Variants in ZNF175 observed in about 807,000 individuals in gnomAD.
ZNF175 encodes the protein zinc finger protein 175.
Under a neutral mutation model 14.0 loss-of-function variants are expected in ZNF175, and 8 were observed. That is an observed-to-expected ratio of 0.57 (90% CI 0.34 to 1.03). The LOEUF is 1.03. Among genes scored for constraint, ZNF175 ranks in the 50% least tolerant of loss-of-function variants. ZNF175 has a pLI of 0.03. For missense variants in ZNF175, 764 were observed against 849.5 expected, an observed-to-expected ratio of 0.90 and a Z score of 1.25; for synonymous variants, 255 against 296.8, an observed-to-expected ratio of 0.86 and a Z score of 1.45.
At chr19:51,577,746 C>A (rs1046711615) in intron 2 of ZNF175, among the ~76,000 whole-genome samples, 1 of 148,770 alleles carries the variant, frequency 6.7e-6, no homozygotes, top group Non-Finnish European at 1.5e-5. Context: ...TCACTGCAAG[C>A]TCCGCCTCCC....
chr19:51,585,141 T>C (rs1384099592), intron 4 of ZNF175, among the ~76,000 whole-genome samples: 1 of 152,168 alleles, frequency 6.6e-6, no homozygotes, highest in Non-Finnish European at 1.5e-5. Flanking sequence ...TTATTCAGCC[T>C]TAAAAAGGAA....
chr19:51,580,806 G>A (rs767987948), intron 2 of ZNF175, among the ~76,000 whole-genome samples: 8 of 152,034 alleles, frequency 5.3e-5, no homozygotes, highest in East Asian at 3.9e-4. Context: ...CTCTTTTCTG[G>A]AAAATGATTT....
rs79380187 is a variant in ZNF175, at chr19:51,578,980, G to A, written c.73-2411G>A. On this transcript the variant is annotated intron_variant, in intron 2 of 4. Transcript: ENST00000262259. ...AAAAATACAAAAATTAAGGCTGAGT[G>A]TGGTGACTCACACCTGTAATCTCAG... 3.9e-3 allele frequency among the ~76,000 whole-genome samples: 591 copies of A among 152,244 alleles called. 25 individuals are homozygous for A. The East Asian group carries it at 0.078, about 20-fold the overall frequency.
At chr19:51,581,186 G>T (rs1466638051) in intron 2 of ZNF175, among the ~76,000 whole-genome samples, 1 of 151,870 alleles carries the variant, frequency 6.6e-6, no homozygotes, top group Non-Finnish European at 1.5e-5. Context: ...AAAAAAAAAT[G>T]AATGAATGAA....
At position 51,574,518 on chromosome 19, in the gene ZNF175, A is replaced by G. The variant is rs1250194622; in HGVS notation, c.72+1117A>G. Among the ~76,000 whole-genome samples, 8 of 152,132 alleles carry G rather than the reference A, an allele frequency of 5.3e-5. 1 individual carries two copies. The highest frequency in any genetic ancestry group is 5.2e-4 in the Admixed American group (8 of 15,272). Reference sequence around the variant, plus strand: ...GGCGAGACTCTACAAAAATACAAAAATTAGCCAGGTGTGGTGGCATGCACC... The same window carrying G: ...GGCGAGACTCTACAAAAATACAAAAGTTAGCCAGGTGTGGTGGCATGCACC... On this transcript the variant is annotated intron_variant, in intron 2 of 4. Coordinates refer to ENST00000262259, the MANE Select transcript of ZNF175 (RefSeq NM_007147.4).
In ZNF175 at chr19:51,587,335, G is replaced by A; in HGVS notation, c.1004G>A (p.Cys335Tyr). Reference protein sequence around the residue: ...YLTDHTGDIPCICKECGKVFI... With the variant: ...YLTDHTGDIPYICKECGKVFI... ...ACAGATCATACAGGTGATATACCCT[G>A]TATATGCAAGGAATGTGGGAAGGTC... The change falls in exon 5 of 5, where the codon TGT (cysteine) becomes TAT (tyrosine). Residue 335 changes from cysteine to tyrosine, a missense_variant. By Grantham distance (194) the Cys-to-Tyr change is radical. Transcript: ENST00000262259. 1 of 1,614,144 alleles carries A rather than the reference G, an allele frequency of 6.2e-7. No homozygotes were observed. The highest frequency in any genetic ancestry group is 2.2e-5 in the East Asian group (1 of 44,880).
Position 51,587,326 on chromosome 19 carries a change from A to G in ZNF175, c.995A>G (p.Asp332Gly), listed in dbSNP as rs1568577030. ...GTATATCTGACAGATCATACAGGTGATATACCCTGTATATGCAAGGAATGT... is the reference window on the plus strand; with the variant it reads ...GTATATCTGACAGATCATACAGGTGGTATACCCTGTATATGCAAGGAATGT... Reference protein sequence around the residue: ...LSVYLTDHTGDIPCICKECGK... With the variant: ...LSVYLTDHTGGIPCICKECGK... Residue 332 changes from aspartate to glycine, a missense_variant, in exon 5 of 5, where the codon GAT becomes GGT. By Grantham distance (94) the Asp-to-Gly change is moderately conservative. Coordinates refer to ENST00000262259, the MANE Select transcript of ZNF175 (RefSeq NM_007147.4). The G allele has an allele frequency of 2.5e-6, 4 of 1,614,106 alleles. No individual in the cohort carries two copies. Among genetic ancestry groups the G allele is most frequent in the Non-Finnish European group, 3.4e-6 (4 of 1,180,038 alleles).
In ZNF175 at chr19:51,586,662, AT is replaced by A; in HGVS notation, c.334del (p.Ser112LeufsTer11). On this transcript the variant is annotated frameshift_variant, in exon 5 of 5. Transcript: ENST00000262259. LOFTEE classifies it low-confidence loss of function (END_TRUNC). ...TGGGCTTGAAATCCCACAAAAGGAG[AT>A]TTCTAAGAAAGCTTCATTTCAAAAG... ...EFGLEIPQKE[I>X]SKKASFQKDM... The A allele has an allele frequency of 1.9e-6, 3 of 1,599,944 alleles. No homozygotes were observed. Among genetic ancestry groups the A allele is most frequent in the Non-Finnish European group, 2.6e-6 (3 of 1,174,158 alleles).
At position 51,591,505 on chromosome 19, in the gene ZNF175, G is replaced by A. The variant is rs1263419461; in HGVS notation, c.*3038G>A. ...CAATGGCCTCATCATGAGATGAGAG[G>A]TCAAGAGTTTTGAGTTTCCAGAGGG... is the stretch of plus-strand genomic sequence containing the variant. On this transcript the variant is annotated 3_prime_UTR_variant, in exon 5 of 5. Coordinates refer to ENST00000262259, the MANE Select transcript of ZNF175 (RefSeq NM_007147.4). 6.6e-6 allele frequency: 1 copy of A among 152,216 alleles called. No individual in the cohort carries two copies. Among genetic ancestry groups the A allele is most frequent in the Non-Finnish European group, 1.5e-5 (1 of 68,050 alleles). 9.4% of individuals were successfully genotyped at this position (152,216 alleles called of 1,614,324 possible).
chr19:51,581,791 T>G lies in ZNF175; in HGVS notation c.204T>G (p.Tyr68Ter). The change falls in exon 4 of 5, where the codon TAT (tyrosine) becomes TAG (stop). Residue 68 changes from tyrosine to a stop codon, truncating the protein, a stop_gained. Coordinates refer to ENST00000262259, the MANE Select transcript of ZNF175 (RefSeq NM_007147.4). LOFTEE classifies it high-confidence loss of function. ...ELYSHLFAVG[Y>*]HIPNPEVIFR... The stretch of plus-strand genomic sequence containing the variant: ...AGTATCCTTTCTAATTAACAGGGTA[T>G]CACATTCCCAACCCAGAGGTCATCT... 6.2e-7 allele frequency: 1 copy of G among 1,613,678 alleles called. No homozygotes were observed. Among genetic ancestry groups the G allele is most frequent in the Non-Finnish European group, 8.5e-7 (1 of 1,179,926 alleles).
chr19:51,574,872 C>A lies in ZNF175; in HGVS notation c.72+1471C>A, dbSNP rs1981719624. On this transcript the variant is annotated intron_variant, in intron 2 of 4. Coordinates refer to ENST00000262259, the MANE Select transcript of ZNF175 (RefSeq NM_007147.4). ...TTTTTTTTCTGCTTGACCTGATTTC[C>A]AGTTTATCATTTGAATCAATACTGC... is the stretch of plus-strand genomic sequence containing the variant. 4.6e-5 allele frequency among the ~76,000 whole-genome samples: 7 copies of A among 151,946 alleles called. No individual in the cohort carries two copies. The South Asian group carries it at 1.5e-3, about 31-fold the overall frequency.
At chr19:51,586,545 G>C (rs1300018895) in intron 4 of ZNF175, 82 bp from the exon 5 acceptor site, 9 of 1,391,504 alleles carry the variant, frequency 6.5e-6, no homozygotes, top group Non-Finnish European at 8.7e-6. Flanking sequence ...CAATTTCCTT[G>C]TGTTCTGTGT....
intron 2 of ZNF175, among the ~76,000 whole-genome samples, chr19:51,579,502 G>A (rs1981926500): frequency 6.6e-6 from 1 of 151,894 alleles, no homozygotes; most frequent in African/African-American, 2.4e-5. Flanking sequence ...TGAATAGGCT[G>A]GTAAACATGG....
At chr19:51,577,746 C>T (rs1046711615) in intron 2 of ZNF175, among the ~76,000 whole-genome samples, 2 of 148,770 alleles carry the variant, frequency 1.3e-5, no homozygotes, top group Non-Finnish European at 1.5e-5. Flanking sequence ...TCACTGCAAG[C>T]TCCGCCTCCC....
intron 4 of ZNF175, among the ~76,000 whole-genome samples, chr19:51,585,135 T>C (rs1170589133): frequency 6.6e-6 from 1 of 152,206 alleles, no homozygotes; most frequent in Non-Finnish European, 1.5e-5. Flanking sequence ...GAAATATTAT[T>C]CAGCCTTAAA....
At chr19:51,583,583 A>C (rs1160505829) in intron 4 of ZNF175, among the ~76,000 whole-genome samples, 1 of 152,158 alleles carries the variant, frequency 6.6e-6, no homozygotes, top group Admixed American at 6.5e-5. Context: ...TCCCAGTGAG[A>C]TATGTTGATT....
chr19:51,577,475 A>T (rs547392063), intron 2 of ZNF175, among the ~76,000 whole-genome samples: 1 of 151,674 alleles, frequency 6.6e-6, no homozygotes, highest in African/African-American at 2.4e-5. Context: ...GCCTTAAAAA[A>T]TTTTTAAGAG....
rs189501032 is a variant in ZNF175, at chr19:51,588,793, G to A, written c.*326G>A. ...AATGGTACAAGACAGGTTGTTACTC[G>A]ATTATTTATAGTAAAATATGTGGGA... On this transcript the variant is annotated 3_prime_UTR_variant, in exon 5 of 5. Transcript: ENST00000262259. 3.5e-3 allele frequency: 1,412 copies of A among 404,404 alleles called. 6 individuals are homozygous for A. The highest frequency in any genetic ancestry group is 0.012 in the Middle Eastern group (19 of 1,594). 25.1% of individuals were successfully genotyped at this position (404,404 alleles called of 1,614,324 possible). A position where few individuals can be genotyped will look rare whatever the true frequency, so the allele number is the denominator to read the frequency against.
intron 1 of ZNF175, among the ~76,000 whole-genome samples, chr19:51,572,178 C>G (rs1178937042): frequency 6.6e-6 from 1 of 152,106 alleles, no homozygotes; most frequent in African/African-American, 2.4e-5. Flanking sequence ...AAATTGTGCT[C>G]GCTGGGAAAC....
Sources: allele counts gnomAD v4.1 joint callset (sites outside exome capture counted in the v4.1 genomes callset), GRCh38; gene constraint gnomAD v4.1.1; transcripts MANE v1.5; gene names NCBI Gene and HGNC (gene_info 2026-07-23, HGNC 2026-07-21).